The following LRFN5 variants were observed in gnomAD, a reference collection of about 807,000 sequenced individuals.
LRFN5 encodes leucine-rich repeat and fibronectin type-III domain-containing protein 5.
Under a neutral mutation model 45.6 loss-of-function variants are expected in LRFN5, and 24 were observed. The ratio of observed to expected loss-of-function variants is 0.53; its 90% CI spans 0.38 to 0.74. The LOEUF is 0.74. Ranked by LOEUF, LRFN5 falls within the 30% of genes least tolerant of loss-of-function variation. The probability of loss-of-function intolerance (pLI) is 0.00; values close to 1 mark genes in which losing one functional copy is unlikely to be tolerated. For synonymous variants in LRFN5, 340 were observed against 313.8 expected, an observed-to-expected ratio of 1.08 and a Z score of -0.88; for missense variants, 776 against 861.5, an observed-to-expected ratio of 0.90 and a Z score of 1.24.
chr14:41,826,805 A>G (rs957774125), intron 2 of LRFN5, among the ~76,000 whole-genome samples: 4 of 151,880 alleles, frequency 2.6e-5, no homozygotes, highest in Non-Finnish European at 4.4e-5. Flanking sequence ...ATATGGGAAA[A>G]TAATATATAT....
At chr14:41,888,610 C>A (rs112960361) in intron 3 of LRFN5, among the ~76,000 whole-genome samples, 2 of 151,994 alleles carry the variant, frequency 1.3e-5, no homozygotes, top group African/African-American at 2.4e-5. Flanking sequence ...GAGACTGATT[C>A]TTTGAGTGAT....
chr14:41,852,415 A>G (rs1047874828), intron 2 of LRFN5, among the ~76,000 whole-genome samples: 3 of 151,916 alleles, frequency 2.0e-5, no homozygotes, highest in Non-Finnish European at 2.9e-5. Flanking sequence ...TTCCTTTTAT[A>G]TATTGATTTC....
At chr14:41,895,127 T>C in intron 4 of LRFN5, 7 of 819,008 alleles carry the variant, frequency 8.5e-6, no homozygotes, top group Non-Finnish European at 1.0e-5. Flanking sequence ...TAAAATTGTG[T>C]TCCTGCATTA....
chr14:41,901,432 TTGTGTGTGTGTGTG>T (rs3032306), intron 5 of LRFN5, among the ~76,000 whole-genome samples: 3 of 147,940 alleles, frequency 2.0e-5, no homozygotes, highest in Non-Finnish European at 4.5e-5. Context: ...TATGTATGCA[TTGTGTGTGTGTGTG>T]TGTGTGTGTG....
intron 2 of LRFN5, among the ~76,000 whole-genome samples, chr14:41,797,465 T>C (rs571150376): frequency 6.6e-6 from 1 of 151,866 alleles, no homozygotes; most frequent in Non-Finnish European, 1.5e-5. Context: ...AGCATTGTTC[T>C]GTTTTAAATA....
chr14:41,898,477 T>C (rs7148658), intron 4 of LRFN5, among the ~76,000 whole-genome samples: 56,964 of 151,856 alleles, frequency 0.38, 11,113 homozygotes, highest in East Asian at 0.68. Context: ...TTGTACTCCA[T>C]ATGGTGAACA....
chr14:41,670,298 TATATATAC>T (rs1220366532), intron 1 of LRFN5, among the ~76,000 whole-genome samples: 7,516 of 45,222 alleles, frequency 0.17, 791 homozygotes, highest in East Asian at 0.5. Context: ...TATATATATA[TATATATAC>T]ACACACACAG....
chr14:41,646,844 G>T (rs574445580), intron 1 of LRFN5, among the ~76,000 whole-genome samples: 1 of 152,222 alleles, frequency 6.6e-6, no homozygotes, highest in South Asian at 2.1e-4. Flanking sequence ...ACAACTATGT[G>T]TGAGAACAGT....
intron 1 of LRFN5, among the ~76,000 whole-genome samples, chr14:41,713,682 T>C (rs1162316719): frequency 1.3e-5 from 2 of 152,116 alleles, no homozygotes; most frequent in Non-Finnish European, 2.9e-5. Context: ...TGAGATACCA[T>C]TTCAAATATA....
intron 2 of LRFN5, 47 bp from the exon 3 acceptor site, chr14:41,886,559 A>G: frequency 8.0e-7 from 1 of 1,245,878 alleles, no homozygotes; most frequent in East Asian, 2.4e-5. Flanking sequence ...ATGAATATGA[A>G]TTAAATCACT....
At chr14:41,757,997 A>G (rs61992433) in intron 1 of LRFN5, among the ~76,000 whole-genome samples, 19,845 of 152,168 alleles carry the variant, frequency 0.13, 1,537 homozygotes, top group Non-Finnish European at 0.18. Flanking sequence ...GGACTATCCT[A>G]ATAGTATATT....
intron 5 of LRFN5, 107 bp from the exon 6 acceptor site, chr14:41,904,049 TTA>T: frequency 1.1e-6 from 1 of 912,300 alleles, no homozygotes; most frequent in Non-Finnish European, 1.7e-6. Flanking sequence ...CCTTGGGTGC[TTA>T]CATTTAGTTA....
In LRFN5 at chr14:41,822,850, G is replaced by GTT. The variant is rs1296770505; in HGVS notation, c.-21+55822_-21+55823dup. ...GGTATTGGTTGCATATATATTTAGG[G>GTT]TTGTTTTTTTTTTTTTTTGCTGCAT... On this transcript the variant is annotated intron_variant, in intron 2 of 5. Coordinates refer to ENST00000298119, the MANE Select transcript of LRFN5 (RefSeq NM_152447.5). Among the ~76,000 whole-genome samples the GTT allele has an allele frequency of 1.5e-3, 103 of 70,446 alleles. 2 individuals carry two copies. The highest frequency in any genetic ancestry group is 0.01 in the Admixed American group (67 of 6,594). 46.2% of individuals were successfully genotyped at this position (70,446 alleles called of 152,430 possible).
intron 5 of LRFN5, among the ~76,000 whole-genome samples, chr14:41,903,950 T>G (rs1010317927): frequency 1.4e-4 from 21 of 152,096 alleles, no homozygotes; most frequent in Admixed American, 1.3e-4. Context: ...ATTCACCAAT[T>G]GAAGTTACTA....
At chr14:41,821,328 A>T (rs1888105388) in intron 2 of LRFN5, among the ~76,000 whole-genome samples, 1 of 151,704 alleles carries the variant, frequency 6.6e-6, no homozygotes, top group Non-Finnish European at 1.5e-5. Context: ...ATTTAATTTT[A>T]TTATTTTTTT....
chr14:41,809,637 A>G (rs1284848856), intron 2 of LRFN5, among the ~76,000 whole-genome samples: 6 of 151,850 alleles, frequency 4.0e-5, no homozygotes, highest in Admixed American at 3.9e-4. Context: ...ACCTTTGTCT[A>G]ATATTTTAAA....
chr14:41,854,708 G>A (rs1444315814), intron 2 of LRFN5, among the ~76,000 whole-genome samples: 1 of 152,116 alleles, frequency 6.6e-6, no homozygotes. Flanking sequence ...ACAGTGCATT[G>A]AGAATGTGCA....
intron 1 of LRFN5, among the ~76,000 whole-genome samples, chr14:41,764,215 G>C (rs969447609): frequency 6.6e-6 from 1 of 152,064 alleles, no homozygotes; most frequent in Non-Finnish European, 1.5e-5. Context: ...ACATTTCATA[G>C]AGTGAGATAG....
At chr14:41,678,404 A>T (rs1260792629) in intron 1 of LRFN5, among the ~76,000 whole-genome samples, 1 of 152,114 alleles carries the variant, frequency 6.6e-6, no homozygotes, top group East Asian at 1.9e-4. Context: ...TGAAGCAAAA[A>T]CTAATAGAAT....
Sources: gnomAD v4.1 joint callset for allele counts (sites outside exome capture counted in the v4.1 genomes callset) on GRCh38, gnomAD v4.1.1 for gene constraint, MANE v1.5 for transcripts, NCBI Gene and HGNC (gene_info 2026-07-23, HGNC 2026-07-21) for gene names.